Variants in CNTN5 observed in about 807,000 individuals in gnomAD.
The protein encoded by CNTN5 is contactin-5.
Under a neutral mutation model 129.1 loss-of-function variants are expected in CNTN5, and 77 were observed. The observed-to-expected ratio is 0.60, with a 90% CI of 0.50 to 0.72. CNTN5 has a LOEUF of 0.72. Ranked by LOEUF, CNTN5 falls within the 30% of genes least tolerant of loss-of-function variation. CNTN5 has a pLI of 0.00. For synonymous variants in CNTN5, 509 were observed against 465.6 expected (o/e 1.09, Z -1.20); for missense variants, 1,478 against 1,328.8 (o/e 1.11, Z -1.75).
chr11:99,784,754 A>C (rs755837959), intron 3 of CNTN5, among the ~76,000 whole-genome samples: 43 of 147,704 alleles, frequency 2.9e-4, no homozygotes, highest in Non-Finnish European at 5.4e-4. Flanking sequence ...TGACTTTTTA[A>C]TGATTGCCAT....
chr11:99,731,773 C>T (rs569780938), intron 3 of CNTN5, among the ~76,000 whole-genome samples: 2 of 152,214 alleles, frequency 1.3e-5, no homozygotes, highest in South Asian at 4.1e-4. Flanking sequence ...TTAGAACTTT[C>T]TATACTCCCT....
intron 7 of CNTN5, among the ~76,000 whole-genome samples, chr11:99,930,788 T>TACAA (rs1376222143): frequency 3.7e-4 from 9 of 24,628 alleles, no homozygotes; most frequent in African/African-American, 1.5e-3. Flanking sequence ...AATAAACACA[T>TACAA]ACACACAAAC....
At chr11:100,143,461 C>G (rs1269646810) in intron 13 of CNTN5, among the ~76,000 whole-genome samples, 1 of 152,046 alleles carries the variant, frequency 6.6e-6, no homozygotes. Context: ...TGGGCAAAAC[C>G]TAGTTATACT....
chr11:99,475,783 G>A (rs186360908), intron 2 of CNTN5, among the ~76,000 whole-genome samples: 1 of 151,606 alleles, frequency 6.6e-6, no homozygotes, highest in Non-Finnish European at 1.5e-5. Flanking sequence ...TTTGTCTAAT[G>A]CTTTTTTTTT....
intron 1 of CNTN5, among the ~76,000 whole-genome samples, chr11:99,089,759 T>G (rs1487890290): frequency 6.6e-6 from 1 of 152,212 alleles, no homozygotes; most frequent in Non-Finnish European, 1.5e-5. Context: ...GGGACAAATA[T>G]CCATACCATA....
intron 2 of CNTN5, among the ~76,000 whole-genome samples, chr11:99,505,282 G>C (rs1946576298): frequency 2.0e-5 from 3 of 152,290 alleles, no homozygotes; most frequent in African/African-American, 7.2e-5. Flanking sequence ...CTGACACAAA[G>C]TAGTAAATCT....
At chr11:100,029,956 T>C (rs974994722) in intron 9 of CNTN5, among the ~76,000 whole-genome samples, 3 of 152,166 alleles carry the variant, frequency 2.0e-5, no homozygotes, top group African/African-American at 7.2e-5. Context: ...TTTACTTGAA[T>C]GGAAATTCAT....
intron 3 of CNTN5, among the ~76,000 whole-genome samples, chr11:99,614,268 C>G (rs945632353): frequency 3.9e-5 from 6 of 152,128 alleles, no homozygotes; most frequent in Non-Finnish European, 7.4e-5. Context: ...TTATTTTTGT[C>G]ATGTACATAC....
intron 1 of CNTN5, among the ~76,000 whole-genome samples, chr11:99,249,441 A>G (rs1861987637): frequency 6.6e-6 from 1 of 152,044 alleles, no homozygotes; most frequent in Non-Finnish European, 1.5e-5. Context: ...TTAGTACTAT[A>G]CAGACACAGA....
chr11:99,696,775 T>A (rs670774), intron 3 of CNTN5, among the ~76,000 whole-genome samples: 1 of 152,054 alleles, frequency 6.6e-6, no homozygotes, highest in Non-Finnish European at 1.5e-5. Context: ...TATCTTGGTT[T>A]GGCAGTGTCC....
chr11:99,374,720 A>T (rs1008741244), intron 2 of CNTN5, among the ~76,000 whole-genome samples: 4 of 152,074 alleles, frequency 2.6e-5, no homozygotes, highest in Non-Finnish European at 5.9e-5. Context: ...ATAATATGGA[A>T]CTTAATGTCT....
At chr11:100,314,453 T>C (rs1376339474) in intron 21 of CNTN5, among the ~76,000 whole-genome samples, 1 of 152,124 alleles carries the variant, frequency 6.6e-6, no homozygotes, top group African/African-American at 2.4e-5. Context: ...TGTACACAGA[T>C]TTATTTCCTT....
intron 9 of CNTN5, among the ~76,000 whole-genome samples, chr11:100,045,552 T>C (rs890728746): frequency 6.6e-6 from 1 of 152,138 alleles, no homozygotes; most frequent in Non-Finnish European, 1.5e-5. Context: ...TAAGTTTTCT[T>C]TTCAGTGGGA....
chr11:99,108,033 C>T (rs1338805216), intron 1 of CNTN5, among the ~76,000 whole-genome samples: 3 of 149,702 alleles, frequency 2.0e-5, no homozygotes, highest in African/African-American at 7.4e-5. Flanking sequence ...GACTATGAAT[C>T]GTTTGATGTG....
chr11:99,657,751 GACTAC>G (rs1211131078), intron 3 of CNTN5, among the ~76,000 whole-genome samples: 4 of 152,114 alleles, frequency 2.6e-5, no homozygotes, highest in Non-Finnish European at 5.9e-5. Flanking sequence ...ATCATTCAGT[GACTAC>G]ATCTGTTATG....
intron 1 of CNTN5, among the ~76,000 whole-genome samples, chr11:99,090,225 T>C (rs1477549197): frequency 6.6e-6 from 1 of 152,070 alleles, no homozygotes; most frequent in East Asian, 1.9e-4. Flanking sequence ...CAAGAACCAC[T>C]TATGTTTTTT....
intron 9 of CNTN5, among the ~76,000 whole-genome samples, chr11:100,016,702 C>T (rs1190366548): frequency 1.3e-5 from 2 of 151,844 alleles, no homozygotes; most frequent in African/African-American, 2.4e-5. Context: ...ATAAGTGAAA[C>T]ATGTAAGCAT....
At chr11:100,025,662 T>C (rs763475474) in intron 9 of CNTN5, among the ~76,000 whole-genome samples, 11 of 152,210 alleles carry the variant, frequency 7.2e-5, no homozygotes, top group Non-Finnish European at 1.3e-4. Flanking sequence ...ACCCACCTTT[T>C]GCTTCAGCAT....
chr11:99,853,332 G>A (rs910153492), intron 6 of CNTN5, among the ~76,000 whole-genome samples: 4 of 151,964 alleles, frequency 2.6e-5, no homozygotes, highest in Admixed American at 6.6e-5. Context: ...CTATAGATGT[G>A]TGTGTGAATA....
Sources: gnomAD v4.1 joint callset for allele counts (sites outside exome capture counted in the v4.1 genomes callset) on GRCh38, gnomAD v4.1.1 for gene constraint, MANE v1.5 for transcripts, NCBI Gene and HGNC (gene_info 2026-07-23, HGNC 2026-07-21) for gene names.